KIAA0825: variants seen among roughly 807,000 people sequenced by gnomAD.
KIAA0825 encodes the protein KIAA0825.
A neutral mutation model predicts 147.6 loss-of-function variants in KIAA0825; 119 were observed. That is an observed-to-expected ratio of 0.81 (90% CI 0.69 to 0.94). KIAA0825 has a LOEUF of 0.94. KIAA0825 is among the 40% of genes least tolerant of loss of function. KIAA0825 has a pLI of 0.00. For synonymous variants in KIAA0825, 470 were observed against 518.1 expected, an observed-to-expected ratio of 0.91 and a Z score of 1.26; for missense variants, 1,381 against 1,472.7, an observed-to-expected ratio of 0.94 and a Z score of 1.02.
intron 20 of KIAA0825, among the ~76,000 whole-genome samples, chr5:94,198,083 T>A (rs1771308762): frequency 1.3e-5 from 2 of 152,208 alleles, no homozygotes; most frequent in Admixed American, 6.5e-5. Context: ...TAATATTGAT[T>A]CTTCCTATTA....
intron 20 of KIAA0825, among the ~76,000 whole-genome samples, chr5:94,303,302 C>T (rs180703525): frequency 1.3e-3 from 192 of 151,792 alleles, no homozygotes; most frequent in African/African-American, 4.4e-3. Flanking sequence ...AGTAGGAATC[C>T]TAAAACCAAA....
chr5:94,238,165 G>A (rs957058602), intron 20 of KIAA0825, among the ~76,000 whole-genome samples: 4 of 152,264 alleles, frequency 2.6e-5, no homozygotes, highest in East Asian at 3.9e-4. Context: ...AAAATTATAT[G>A]GATTGATGGA....
At chr5:94,343,424 C>T (rs1332331131) in intron 20 of KIAA0825, among the ~76,000 whole-genome samples, 2 of 152,178 alleles carry the variant, frequency 1.3e-5, no homozygotes, top group Non-Finnish European at 2.9e-5. Flanking sequence ...GGTGTGGTGG[C>T]TCACACCTGT....
rs79653969 is a variant in KIAA0825, at chr5:94,491,117, G to A, written c.971-6187C>T. ...ATCAGTATAATAGGATAAAAGGTGC[G>A]CATTTCAGTTTTCCCAAGAAAAACG... is the stretch of plus-strand genomic sequence containing the variant. On this transcript the variant is annotated intron_variant, in intron 5 of 20. Transcript: ENST00000682413. Among the ~76,000 whole-genome samples the A allele has an allele frequency of 1.8e-3, 278 of 152,150 alleles. 1 individual carries two copies. The highest frequency in any genetic ancestry group is 6.5e-3 in the African/African-American group (271 of 41,500).
At chr5:94,315,066 A>C (rs941418893) in intron 20 of KIAA0825, among the ~76,000 whole-genome samples, 1 of 151,666 alleles carries the variant, frequency 6.6e-6, no homozygotes, top group Non-Finnish European at 1.5e-5. Context: ...TTTATTTCAA[A>C]ATTCAAACTG....
chr5:94,497,065 C>A (rs1233137779), intron 5 of KIAA0825, among the ~76,000 whole-genome samples: 2 of 152,140 alleles, frequency 1.3e-5, no homozygotes, highest in African/African-American at 4.8e-5. Flanking sequence ...TTACTGAACA[C>A]ATACTATATG....
intron 15 of KIAA0825, among the ~76,000 whole-genome samples, chr5:94,406,284 T>C (rs1251976151): frequency 2.0e-5 from 3 of 152,186 alleles, no homozygotes; most frequent in Admixed American, 1.3e-4. Context: ...CCTGCCCTAT[T>C]CTTATCTGAG....
intron 3 of KIAA0825, among the ~76,000 whole-genome samples, chr5:94,524,730 G>A (rs1249430690): frequency 6.6e-6 from 1 of 151,706 alleles, no homozygotes; most frequent in Non-Finnish European, 1.5e-5. Context: ...TTGGGTGGGT[G>A]TAATTAGGTA....
At chr5:94,287,465 C>A (rs1389141355) in intron 20 of KIAA0825, among the ~76,000 whole-genome samples, 1 of 152,138 alleles carries the variant, frequency 6.6e-6, no homozygotes, top group Non-Finnish European at 1.5e-5. Context: ...ACTATATTTT[C>A]TTTCTGTTTC....
intron 20 of KIAA0825, among the ~76,000 whole-genome samples, chr5:94,212,575 C>T (rs1772809926): frequency 6.6e-6 from 1 of 152,142 alleles, no homozygotes; most frequent in Non-Finnish European, 1.5e-5. Context: ...AACATAAGCT[C>T]CACATTTACA....
At chr5:94,242,185 T>C (rs1264458511) in intron 20 of KIAA0825, among the ~76,000 whole-genome samples, 1 of 152,246 alleles carries the variant, frequency 6.6e-6, no homozygotes, top group Admixed American at 6.5e-5. Flanking sequence ...CATTTCAAAG[T>C]ATACGGTTGC....
At chr5:94,435,431 G>T (rs1022329244) in intron 14 of KIAA0825, among the ~76,000 whole-genome samples, 1 of 151,758 alleles carries the variant, frequency 6.6e-6, no homozygotes, top group Non-Finnish European at 1.5e-5. Context: ...CTCCATCCAT[G>T]TCCCTGCAAA....
At chr5:94,493,944 G>A (rs1302091966) in intron 5 of KIAA0825, among the ~76,000 whole-genome samples, 1 of 152,026 alleles carries the variant, frequency 6.6e-6, no homozygotes, top group Non-Finnish European at 1.5e-5. Context: ...CCACTGAAAG[G>A]CCCCACGTGA....
chr5:94,532,127 A>C (rs1770917085), intron 3 of KIAA0825, among the ~76,000 whole-genome samples: 1 of 152,176 alleles, frequency 6.6e-6, no homozygotes, highest in African/African-American at 2.4e-5. Context: ...TTCTAGGTGA[A>C]GTCAAACAGT....
intron 20 of KIAA0825, among the ~76,000 whole-genome samples, chr5:94,325,141 A>C (rs1032372621): frequency 6.6e-6 from 1 of 152,060 alleles, no homozygotes; most frequent in Non-Finnish European, 1.5e-5. Context: ...TATGTAAATC[A>C]TACAACCTGC....
At chr5:94,186,868 G>A (rs935264338) in intron 20 of KIAA0825, among the ~76,000 whole-genome samples, 1 of 152,158 alleles carries the variant, frequency 6.6e-6, no homozygotes, top group African/African-American at 2.4e-5. Flanking sequence ...GAAGACATGA[G>A]GGTGGGCACA....
chr5:94,506,016 T>A (rs189339673), intron 5 of KIAA0825, among the ~76,000 whole-genome samples: 178 of 152,362 alleles, frequency 1.2e-3, no homozygotes, highest in African/African-American at 3.9e-3. Context: ...TAGCATTTGC[T>A]ACCAGTGGGA....
chr5:94,542,761 C>T (rs568703462), intron 2 of KIAA0825, among the ~76,000 whole-genome samples: 9 of 151,786 alleles, frequency 5.9e-5, no homozygotes, highest in Admixed American at 2.0e-4. Context: ...GAGCCAAGAT[C>T]GTGTCATTGC....
chr5:94,401,564 G>A (rs988119007), intron 16 of KIAA0825, among the ~76,000 whole-genome samples: 37 of 152,072 alleles, frequency 2.4e-4, no homozygotes, highest in Non-Finnish European at 7.4e-5. Flanking sequence ...CCAAGAGCAT[G>A]GCACCCCTGC....
Sources: gnomAD v4.1 joint callset for allele counts (sites outside exome capture counted in the v4.1 genomes callset) on GRCh38, gnomAD v4.1.1 for gene constraint, MANE v1.5 for transcripts, NCBI Gene and HGNC (gene_info 2026-07-23, HGNC 2026-07-21) for gene names.